The following ABRA variants were observed in gnomAD, a reference collection of about 807,000 sequenced individuals.
The protein encoded by ABRA is actin-binding Rho-activating protein.
A neutral mutation model predicts 33.4 loss-of-function variants in ABRA; 25 were observed. The observed-to-expected ratio is 0.75, with a 90% CI of 0.55 to 1.04. The LOEUF (loss-of-function observed/expected upper bound fraction) is 1.04. Among genes scored for constraint, ABRA ranks in the 50% least tolerant of loss-of-function variants. The pLI, the probability that ABRA is intolerant of heterozygous loss-of-function variation, is 0.00. For synonymous variants in ABRA, 193 were observed against 176.8 expected (o/e 1.09, Z -0.73); for missense variants, 501 against 491.7 (o/e 1.02, Z -0.18).
chr8:106,759,899 A>G lies in ABRA; in HGVS notation c.*1138T>C, dbSNP rs1165817490. The G allele has an allele frequency of 2.0e-5, 3 of 152,170 alleles. No homozygotes were observed. Among genetic ancestry groups the G allele is most frequent in the Non-Finnish European group, 4.4e-5 (3 of 68,032 alleles). 9.4% of individuals were successfully genotyped at this position (152,170 alleles called of 1,614,324 possible). ...AATGTCCAATGATTTTCTCCTTGCC[A>G]TCATCATTGTATATTTTTTACTTTG... On this transcript the variant is annotated 3_prime_UTR_variant, in exon 2 of 2. Coordinates refer to ENST00000311955, the MANE Select transcript of ABRA (RefSeq NM_139166.5).
Position 106,761,521 on chromosome 8 carries a change from T to C in ABRA, c.669-7A>G, listed in dbSNP as rs1836140844. On this transcript the variant is annotated splice_polypyrimidine_tract_variant and splice_region_variant and intron_variant, in intron 1 of 1. Transcript: ENST00000311955. ...CTCTGTAAATCTGTTTACCCTAAAGTAGAGAGAGGGTGAACAATCAAGATT... is the reference window on the plus strand; with the variant it reads ...CTCTGTAAATCTGTTTACCCTAAAGCAGAGAGAGGGTGAACAATCAAGATT... The C allele has an allele frequency of 1.9e-6, 3 of 1,603,898 alleles. No individual in the cohort carries two copies. The highest frequency in any genetic ancestry group is 2.6e-6 in the Non-Finnish European group (3 of 1,173,604).
In ABRA at chr8:106,761,379, C is replaced by G. The variant is rs1456688657; in HGVS notation, c.804G>C (p.Glu268Asp). Residue 268 changes from glutamate (E) to aspartate (D), a missense_variant, in exon 2 of 2, where the codon GAG becomes GAC. Coordinates refer to ENST00000311955, the MANE Select transcript of ABRA (RefSeq NM_139166.5). ...QSQKLNPFSE[E>D]FDYELAMSTR... Reference sequence around the variant, plus strand: ...TGGACATGGCCAGCTCGTAATCAAACTCTTCACTGAAAGGATTGAGCTTCT... The same window carrying G: ...TGGACATGGCCAGCTCGTAATCAAAGTCTTCACTGAAAGGATTGAGCTTCT... The G allele has an allele frequency of 1.2e-6, 2 of 1,614,220 alleles. No individual in the cohort carries two copies. Among genetic ancestry groups the G allele is most frequent in the African/African-American group, 1.3e-5 (1 of 75,048 alleles).
chr8:106,763,459 A>G (rs1329176010), intron 1 of ABRA, among the ~76,000 whole-genome samples: 1 of 152,224 alleles, frequency 6.6e-6, no homozygotes, highest in East Asian at 1.9e-4. Context: ...TATATGTGTG[A>G]AAAAGTGCTA....
chr8:106,762,427 G>A (rs1345362170), intron 1 of ABRA, among the ~76,000 whole-genome samples: 1 of 152,214 alleles, frequency 6.6e-6, no homozygotes, highest in Admixed American at 6.5e-5. Context: ...AAAGGAATAA[G>A]TTGCGTTTTA....
In ABRA at chr8:106,769,728, C is replaced by T. The variant is rs1468669878; in HGVS notation, c.463G>A (p.Gly155Ser). 4.3e-6 allele frequency: 7 copies of T among 1,614,184 alleles called. No individual in the cohort carries two copies. The East Asian group carries it at 6.7e-5, about 15-fold the overall frequency. Residue 155 changes from glycine to serine, a missense_variant, in exon 1 of 2, where the codon GGC becomes AGC. Coordinates refer to ENST00000311955, the MANE Select transcript of ABRA (RefSeq NM_139166.5). ...NDIDRILHSH[G>S]SPTRRRKCAN... ...CATTTTCTCCTCCGCGTTGGGGAGC[C>T]GTGGCTGTGGAGGATTCTGTCAATG...
intron 1 of ABRA, 73 bp from the exon 2 acceptor site, chr8:106,761,587 C>T (rs1836142059): frequency 8.4e-7 from 1 of 1,195,782 alleles, no homozygotes; most frequent in Non-Finnish European, 1.2e-6. Context: ...CTTTGTACTT[C>T]CCACACATAT....
rs1836127297 is a variant in ABRA, at chr8:106,761,001, C to T, written c.*36G>A. ...CTACATGAGCATTTAGCATTAAGAC[C>T]ATAGTGGGCCAAATTTGGCTTTTGT... On this transcript the variant is annotated 3_prime_UTR_variant, in exon 2 of 2. Coordinates refer to ENST00000311955, the MANE Select transcript of ABRA (RefSeq NM_139166.5). The T allele has an allele frequency of 2.5e-6, 4 of 1,579,560 alleles. No homozygotes were observed. The African/African-American group carries it at 5.4e-5, about 21-fold the overall frequency.
rs1232055892 is a variant in ABRA, at chr8:106,760,579, A to G, written c.*458T>C. The G allele has an allele frequency of 3.2e-5, 5 of 154,074 alleles. No individual in the cohort carries two copies. Among genetic ancestry groups the G allele is most frequent in the Admixed American group, 3.2e-4 (5 of 15,480 alleles). 9.5% of individuals were successfully genotyped at this position (154,074 alleles called of 1,614,324 possible). ...TCAAGTCAGCATTCTTCTTAGATGT[A>G]ATGTTTAATTAAAAATCTATAGTAG... On this transcript the variant is annotated 3_prime_UTR_variant, in exon 2 of 2. Coordinates refer to ENST00000311955, the MANE Select transcript of ABRA (RefSeq NM_139166.5).
At chr8:106,762,012 C>A (rs1836146756) in intron 1 of ABRA, among the ~76,000 whole-genome samples, 1 of 152,122 alleles carries the variant, frequency 6.6e-6, no homozygotes, top group Admixed American at 6.5e-5. Context: ...CATATATAGA[C>A]TAGTATCAAT....
At chr8:106,761,875 T>C (rs1432678527) in intron 1 of ABRA, among the ~76,000 whole-genome samples, 1 of 152,202 alleles carries the variant, frequency 6.6e-6, no homozygotes, top group Non-Finnish European at 1.5e-5. Context: ...GTAGGTGTTT[T>C]CAGGAATCTA....
intron 1 of ABRA, among the ~76,000 whole-genome samples, chr8:106,762,638 G>T (rs553633097): frequency 6.6e-6 from 1 of 152,108 alleles, no homozygotes; most frequent in East Asian, 1.9e-4. Flanking sequence ...ACAGGGAGGG[G>T]AACAGCACAC....
rs750586739 is a variant in ABRA at position 106,761,351 on chromosome 8, G to C, written c.832C>G (p.Arg278Gly). 6.2e-7 allele frequency: 1 copy of C among 1,614,110 alleles called. No homozygotes were observed. The highest frequency in any genetic ancestry group is 1.7e-5 in the Admixed American group (1 of 59,996). Residue 278 changes from arginine (R) to glycine (G), a missense_variant, in exon 2 of 2, where the codon CGC becomes GGC. Physicochemically the swap from Arg to Gly is moderately radical, Grantham distance 125 (BLOSUM62 -2). Transcript: ENST00000311955. Reference sequence around the variant, plus strand: ...TAGCCCTCATCTCCTTTGTGTAGGCGGGTGGACATGGCCAGCTCGTAATCA... The same window carrying C: ...TAGCCCTCATCTCCTTTGTGTAGGCCGGTGGACATGGCCAGCTCGTAATCA... ...EFDYELAMSTRLHKGDEGYGR... is the reference protein window; with the variant it reads ...EFDYELAMSTGLHKGDEGYGR...
At chr8:106,763,420 A>G (rs908432618) in intron 1 of ABRA, among the ~76,000 whole-genome samples, 1 of 152,232 alleles carries the variant, frequency 6.6e-6, no homozygotes, top group African/African-American at 2.4e-5. Context: ...CACAAAAACC[A>G]TATACACAAT....
chr8:106,764,672 C>A lies in ABRA; in HGVS notation c.669-3158G>T, dbSNP rs140788152. 2.5e-3 allele frequency among the ~76,000 whole-genome samples: 374 copies of A among 150,808 alleles called. 3 individuals carry two copies. Among genetic ancestry groups the A allele is most frequent in the Non-Finnish European group, 2.7e-3 (181 of 67,756 alleles). ...TATTAAAAACAAACAAACAAACAAA[C>A]AAAAAAGACTGTAAAGAGCTTCTAA... On this transcript the variant is annotated intron_variant, in intron 1 of 1. Coordinates refer to ENST00000311955, the MANE Select transcript of ABRA (RefSeq NM_139166.5).
intron 1 of ABRA, among the ~76,000 whole-genome samples, chr8:106,768,289 T>C (rs187613627): frequency 2.6e-5 from 4 of 152,352 alleles, no homozygotes; most frequent in African/African-American, 9.6e-5. Flanking sequence ...TAAGAAATCC[T>C]GACTTTCTAC....
intron 1 of ABRA, among the ~76,000 whole-genome samples, chr8:106,766,749 C>G (rs1042580115): frequency 2.0e-5 from 3 of 152,168 alleles, no homozygotes; most frequent in Non-Finnish European, 4.4e-5. Flanking sequence ...GATCACCAAG[C>G]CTGGCTTCCT....
rs756918141 is a variant in ABRA at position 106,761,015 on chromosome 8, T to C, written c.*22A>G. 2.5e-6 allele frequency: 4 copies of C among 1,600,074 alleles called. No individual in the cohort carries two copies. Among genetic ancestry groups the C allele is most frequent in the Non-Finnish European group, 3.4e-6 (4 of 1,170,068 alleles). ...AGCATTAAGACCATAGTGGGCCAAA[T>C]TTGGCTTTTGTTTTTGAAGGTTCAC... On this transcript the variant is annotated 3_prime_UTR_variant, in exon 2 of 2. Coordinates refer to ENST00000311955, the MANE Select transcript of ABRA (RefSeq NM_139166.5).
Position 106,769,580 on chromosome 8 carries a change from GGCCTCTCCTCA to G in ABRA, c.600_610del (p.Glu201ArgfsTer36). Reference sequence around the variant, plus strand: ...AGCCACCTGCACTCCATCCTGCTCGGGCCTCTCCTCAGCCTCTCCTCCATAGCCGCTGTCCT... The same window carrying G: ...AGCCACCTGCACTCCATCCTGCTCGGGCCTCTCCTCCATAGCCGCTGTCCT... On this transcript the variant is annotated frameshift_variant, in exon 1 of 2. Transcript: ENST00000311955. LOFTEE classifies it high-confidence loss of function. The G allele has an allele frequency of 1.2e-6, 2 of 1,614,076 alleles. No homozygotes were observed. The highest frequency in any genetic ancestry group is 8.5e-7 in the Non-Finnish European group (1 of 1,179,998).
Position 106,761,339 on chromosome 8 carries a change from C to G in ABRA, c.844G>C (p.Gly282Arg). ...TTGGGGCGGCCATAGCCCTCATCTC[C>G]TTTGTGTAGGCGGGTGGACATGGCC... is the stretch of plus-strand genomic sequence containing the variant. Reference protein sequence around the residue: ...ELAMSTRLHKGDEGYGRPKEG... With the variant: ...ELAMSTRLHKRDEGYGRPKEG... The change falls in exon 2 of 2, where the codon GGA (glycine) becomes CGA (arginine). Residue 282 changes from glycine (G) to arginine (R), a missense_variant. Physicochemically the swap from Gly to Arg is moderately radical, Grantham distance 125. Transcript: ENST00000311955. The G allele has an allele frequency of 6.2e-7, 1 of 1,614,200 alleles. No individual in the cohort carries two copies. Among genetic ancestry groups the G allele is most frequent in the South Asian group, 1.1e-5 (1 of 91,084 alleles).
Sources: gnomAD v4.1 joint callset for allele counts (sites outside exome capture counted in the v4.1 genomes callset) on GRCh38, gnomAD v4.1.1 for gene constraint, MANE v1.5 for transcripts, NCBI Gene and HGNC (gene_info 2026-07-23, HGNC 2026-07-21) for gene names.